Variants in CROCC observed in about 807,000 individuals in gnomAD.
CROCC encodes the protein rootletin.
In CROCC, 180 loss-of-function variants were observed where a neutral mutation model predicts 245.2. The ratio of observed to expected loss-of-function variants is 0.73; its 90% CI spans 0.65 to 0.83. The LOEUF (loss-of-function observed/expected upper bound fraction) is 0.83, where lower values mean the gene tolerates loss of function less well. CROCC is among the 40% of genes least tolerant of loss of function. The pLI, the probability that CROCC is intolerant of heterozygous loss-of-function variation, is 0.00. For synonymous variants in CROCC, 1,205 were observed against 1,241.6 expected, an observed-to-expected ratio of 0.97 and a Z score of 0.62; for missense variants, 2,688 against 2,779.4, an observed-to-expected ratio of 0.97 and a Z score of 0.74.
At chr1:16,916,453 C>T (rs2075305191) in intron 1 of CROCC, among the ~76,000 whole-genome samples, 2 of 152,208 alleles carry the variant, frequency 1.3e-5, no homozygotes, top group Non-Finnish European at 2.9e-5. Flanking sequence ...ACATCGGCGT[C>T]CTGGGGTGGT....
In CROCC at chr1:16,969,315, G is replaced by T. The variant is rs1173648962; in HGVS notation, c.5276G>T (p.Cys1759Phe). 6.2e-7 allele frequency: 1 copy of T among 1,611,922 alleles called. No individual in the cohort carries two copies. The highest frequency in any genetic ancestry group is 1.7e-5 in the Admixed American group (1 of 59,946). The change falls in exon 32 of 37, where the codon TGT becomes TTT. Residue 1759 changes from cysteine (C) to phenylalanine (F), a missense_variant. Transcript: ENST00000375541. Reference sequence around the variant, plus strand: ...CATCTGCAGAAGGCTCTGACCGCCTGTGAACATGACCGCCAAGTACTCCAG... The same window carrying T: ...CATCTGCAGAAGGCTCTGACCGCCTTTGAACATGACCGCCAAGTACTCCAG... ...NLHLQKALTA[C>F]EHDRQVLQER...
At chr1:16,940,635 G>A (rs1403123910) in intron 13 of CROCC, 2 of 220,502 alleles carry the variant, frequency 9.1e-6, no homozygotes, top group East Asian at 1.5e-4. Context: ...TGTTCTACCC[G>A]CGTCCATCTC....
At chr1:16,936,574 A>AGG in intron 8 of CROCC, 63 bp from the exon 9 acceptor site, 5 of 1,461,022 alleles carry the variant, frequency 3.4e-6, no homozygotes, top group Admixed American at 2.3e-5. Context: ...CTGCCCAAGC[A>AGG]TAGTTTTAAT....
intron 1 of CROCC, among the ~76,000 whole-genome samples, chr1:16,915,209 C>T (rs945524142): frequency 1.3e-5 from 2 of 152,290 alleles, no homozygotes; most frequent in East Asian, 1.9e-4. Context: ...TCCGTGATCC[C>T]CGTCTGTGGC....
At chr1:16,957,301 G>A (rs2076263966) in intron 25 of CROCC, among the ~76,000 whole-genome samples, 1 of 152,118 alleles carries the variant, frequency 6.6e-6, no homozygotes, top group Admixed American at 6.5e-5. Context: ...CAGCTACTTG[G>A]GAGGCTGAGG....
chr1:16,937,612 A>G, intron 9 of CROCC, 29 bp from the exon 10 acceptor site: 5 of 1,583,114 alleles, frequency 3.2e-6, no homozygotes, highest in Non-Finnish European at 3.5e-6. Flanking sequence ...GTGGTCCCGT[A>G]TTCACCTCTG....
At chr1:16,920,078 A>T (rs1570572195), upstream of CROCC, among the ~76,000 whole-genome samples, 1 of 129,144 alleles carries the variant, frequency 7.7e-6, no homozygotes, top group African/African-American at 2.7e-5. Flanking sequence ...ATATTTATTT[A>T]TTTATTTATT....
At position 16,954,997 on chromosome 1, in the gene CROCC, A is replaced by G. The variant is rs2076225678; in HGVS notation, c.3465+120A>G. ...TCCTCCCTGCATTTGAGGACCAATG[A>G]ATAGCAACTTAGAAAGGAGGCAGCA... On this transcript the variant is annotated intron_variant, in intron 23 of 36. Transcript: ENST00000375541. The surrounding 1 kb of genome is among the most constrained non-coding windows in gnomAD (Gnocchi z 4.4). 1 of 1,264,418 alleles carries G rather than the reference A, an allele frequency of 7.9e-7. No homozygotes were observed. The highest frequency in any genetic ancestry group is 1.5e-5 in the African/African-American group (1 of 66,266). The allele number at this position is 1,264,418 out of a possible 1,614,324, so 78.3% of individuals were successfully genotyped here. A position where few individuals can be genotyped will look rare whatever the true frequency, so the allele number is the denominator to read the frequency against.
At chr1:16,955,590 G>A (rs373099109) in intron 24 of CROCC, 40 bp downstream of exon 24, 1 of 1,442,560 alleles carries the variant, frequency 6.9e-7, no homozygotes, top group Non-Finnish European at 9.2e-7. Context: ...GTCCTCATGG[G>A]ATCCCATCCC....
intron 20 of CROCC, among the ~76,000 whole-genome samples, chr1:16,952,773 C>A (rs116314250): frequency 0.059 from 8,949 of 152,292 alleles, 363 homozygotes; most frequent in African/African-American, 0.099. Context: ...CCAGTCCTAA[C>A]TCCCCTCCAT....
At chr1:16,970,536 A>G (rs1447287216) in intron 34 of CROCC, 83 bp downstream of exon 34, 2 of 1,474,664 alleles carry the variant, frequency 1.4e-6, no homozygotes, top group African/African-American at 1.4e-5. Flanking sequence ...AGGGTCTGCT[A>G]CCTCTGGTGG....
chr1:16,954,924 T>A lies in CROCC; in HGVS notation c.3465+47T>A. 6.8e-7 allele frequency: 1 copy of A among 1,471,928 alleles called. No homozygotes were observed. The allele number at this position is 1,471,928 out of a possible 1,614,324, so 91.2% of individuals were successfully genotyped here. On this transcript the variant is annotated intron_variant, in intron 23 of 36. Coordinates refer to ENST00000375541, the MANE Select transcript of CROCC (RefSeq NM_014675.5). This position sits in a 1 kb window ranked among gnomAD's most constrained non-coding sequence, Gnocchi z 4.4. ...CCAAGCAGCATACCCTAAATGGCACTGTGTGCCTGGGGGCCTAGTTCCCCA... is the reference window on the plus strand; with the variant it reads ...CCAAGCAGCATACCCTAAATGGCACAGTGTGCCTGGGGGCCTAGTTCCCCA...
chr1:16,946,148 G>T, intron 15 of CROCC, 111 bp from the exon 16 acceptor site: 4 of 1,234,232 alleles, frequency 3.2e-6, no homozygotes, highest in Non-Finnish European at 3.3e-6. Context: ...TCCCCTCCTT[G>T]TCTCCCCTAC....
chr1:16,941,676 G>A (rs1467988159), intron 13 of CROCC, among the ~76,000 whole-genome samples: 3 of 151,908 alleles, frequency 2.0e-5, no homozygotes, highest in South Asian at 2.1e-4. Flanking sequence ...AGCTGGCAGC[G>A]AGCCGAGATG....
chr1:16,962,265 G>C (rs2076345226), intron 27 of CROCC, among the ~76,000 whole-genome samples: 1 of 151,602 alleles, frequency 6.6e-6, no homozygotes, highest in East Asian at 2.0e-4. Flanking sequence ...GGGTTTCAAG[G>C]CTGGGCGCGG....
At position 16,972,386 on chromosome 1, in the gene CROCC, G is replaced by A. The variant is rs780270735; in HGVS notation, c.5994G>A (p.Gln1998=). The A allele has an allele frequency of 2.5e-6, 4 of 1,614,028 alleles. No individual in the cohort carries two copies. Among genetic ancestry groups the A allele is most frequent in the Non-Finnish European group, 2.5e-6 (3 of 1,179,948 alleles). Residue 1998 remains glutamine (Q), a synonymous_variant, in exon 37 of 37, where the codon CAG becomes CAA. Coordinates refer to ENST00000375541, the MANE Select transcript of CROCC (RefSeq NM_014675.5). The part of the protein sequence containing the change: ...EQVSTLKGQL[Q]QELRRSSAPF... ...TGTCCACACTGAAGGGCCAGCTGCAGCAGGAGCTTCGAAGGAGCTCAGCAC... is the reference window on the plus strand; with the variant it reads ...TGTCCACACTGAAGGGCCAGCTGCAACAGGAGCTTCGAAGGAGCTCAGCAC...
At chr1:16,940,770 A>G in intron 13 of CROCC, 1 of 271,514 alleles carries the variant, frequency 3.7e-6, no homozygotes, top group South Asian at 3.1e-5. Flanking sequence ...TCTGTTTCCC[A>G]GGCTGGGGCA....
intron 2 of CROCC, among the ~76,000 whole-genome samples, chr1:16,923,686 T>C: frequency 6.7e-6 from 1 of 149,442 alleles, no homozygotes; most frequent in East Asian, 1.9e-4. Flanking sequence ...TTTTTTTTTT[T>C]TTTTTTTTTT....
chr1:16,920,984 T>C (rs1289676770), upstream of CROCC, among the ~76,000 whole-genome samples: 1 of 152,276 alleles, frequency 6.6e-6, no homozygotes, highest in East Asian at 1.9e-4. Flanking sequence ...CCTCAGGTGA[T>C]CCACCCGCTT....
Sources: gnomAD v4.1 joint callset for allele counts (sites outside exome capture counted in the v4.1 genomes callset) on GRCh38, gnomAD v4.1.1 for gene constraint, Gnocchi (gnomAD v3.1) non-coding constraint, MANE v1.5 for transcripts, NCBI Gene and HGNC (gene_info 2026-07-23, HGNC 2026-07-21) for gene names.